Variants in CCDC136 observed in about 807,000 individuals in gnomAD.
CCDC136 encodes coiled-coil domain-containing protein 136.
In CCDC136, 100 loss-of-function variants were observed where a neutral mutation model predicts 141.2. The observed-to-expected ratio is 0.71, with a 90% CI of 0.60 to 0.84. The LOEUF (loss-of-function observed/expected upper bound fraction) is 0.84. Ranked by LOEUF, CCDC136 falls within the 40% of genes least tolerant of loss-of-function variation. CCDC136 has a pLI of 0.00. For synonymous variants in CCDC136, 474 were observed against 531.9 expected (o/e 0.89, Z 1.50); for missense variants, 1,206 against 1,379.4 (o/e 0.87, Z 1.99).
intron 17 of CCDC136, among the ~76,000 whole-genome samples, chr7:128,818,509 G>A (rs1011196398): frequency 6.6e-6 from 1 of 152,112 alleles, no homozygotes; most frequent in Non-Finnish European, 1.5e-5. Context: ...CCAGTCTCCG[G>A]AAAAGTCAGA....
intron 1 of CCDC136, among the ~76,000 whole-genome samples, chr7:128,793,766 C>T (rs1012409449): frequency 3.3e-5 from 5 of 152,120 alleles, no homozygotes; most frequent in African/African-American, 9.7e-5. Context: ...TGTACTACCA[C>T]GCCCAGCTAA....
chr7:128,805,882 C>T lies in CCDC136; in HGVS notation c.1070C>T (p.Thr357Ile), dbSNP rs1388106421. 1.2e-6 allele frequency: 2 copies of T among 1,613,908 alleles called. No homozygotes were observed. Among genetic ancestry groups the T allele is most frequent in the East Asian group, 2.2e-5 (1 of 44,880 alleles). ...CAGAATGAGGTGCTTCGGTTTCAGACCTCCCACAGTGTCACCCAGGTAAAC... is the reference window on the plus strand; with the variant it reads ...CAGAATGAGGTGCTTCGGTTTCAGATCTCCCACAGTGTCACCCAGGTAAAC... ...CAQNEVLRFQ[T>I]SHSVTQNEEL... The change falls in exon 7 of 18, where the codon ACC (threonine) becomes ATC (isoleucine). Residue 357 changes from threonine (T) to isoleucine (I), a missense_variant. Transcript: ENST00000297788. The surrounding 1 kb of genome is among the most constrained non-coding windows in gnomAD (Gnocchi z 4.6).
Position 128,811,877 on chromosome 7 carries a change from G to T in CCDC136, c.2106G>T (p.Leu702Phe). 6.2e-7 allele frequency: 1 copy of T among 1,613,340 alleles called. No individual in the cohort carries two copies. The highest frequency in any genetic ancestry group is 8.5e-7 in the Non-Finnish European group (1 of 1,179,594). The change falls in exon 13 of 18, where the codon TTG becomes TTT. Residue 702 changes from leucine (L) to phenylalanine (F), a missense_variant. Leu to Phe is a conservative substitution (Grantham distance 22). Transcript: ENST00000297788. ...YDAGQAKQELLQQEQGRLLEE... is the reference protein window; with the variant it reads ...YDAGQAKQELFQQEQGRLLEE... The stretch of plus-strand genomic sequence containing the variant: ...CCGGTCAGGCGAAGCAGGAGCTCTT[G>T]CAGCAAGAGCAAGGGAGGCTCCTAG...
Position 128,814,814 on chromosome 7 carries a change from G to A in CCDC136, c.2940G>A (p.Gly980=), listed in dbSNP as rs957813894. 4 of 1,611,846 alleles carry A rather than the reference G, an allele frequency of 2.5e-6. No individual in the cohort carries two copies. The highest frequency in any genetic ancestry group is 1.7e-5 in the Admixed American group (1 of 59,582). ...CTTCTGTTGTCAAAGAAGCCCGGGG[G>A]AAGAATGCTAATAAGAACATGAACA... The part of the protein sequence containing the change: ...KRPSVVKEAR[G]KNANKNMNKN... The change falls in exon 15 of 18, where the codon GGG becomes GGA. Residue 980 remains glycine (G), a synonymous_variant. Coordinates refer to ENST00000297788, the MANE Select transcript of CCDC136 (RefSeq NM_022742.5).
Position 128,799,172 on chromosome 7 carries a change from T to TAA in CCDC136, c.347-1990_347-1989dup, listed in dbSNP as rs35342890. On this transcript the variant is annotated intron_variant, in intron 3 of 17. Coordinates refer to ENST00000297788, the MANE Select transcript of CCDC136 (RefSeq NM_022742.5). The stretch of plus-strand genomic sequence containing the variant: ...CAGAAAGAGACCCCCATCTCTACAT[T>TAA]AAAAAAAAAAAAAAAAAAAAAAAAA... Among the ~76,000 whole-genome samples, 282 of 51,322 alleles carry TAA rather than the reference T, an allele frequency of 5.5e-3. 10 individuals are homozygous for TAA. The highest frequency in any genetic ancestry group is 0.019 in the African/African-American group (195 of 10,012). The allele number at this position is 51,322 out of a possible 152,430, so 33.7% of individuals were successfully genotyped here.
Position 128,805,827 on chromosome 7 carries a change from A to G in CCDC136, c.1015A>G (p.Arg339Gly). ...HHRQVSEEEQ[R>G]RLQRELKCAQ... ...TCGCCAGGTCAGTGAGGAGGAGCAG[A>G]GGCGGCTGCAGAGGGAGCTCAAGTG... Residue 339 changes from arginine (R) to glycine (G), a missense_variant, in exon 7 of 18, where the codon AGG (arginine) becomes GGG (glycine). By Grantham distance (125) the Arg-to-Gly change is moderately radical. Coordinates refer to ENST00000297788, the MANE Select transcript of CCDC136 (RefSeq NM_022742.5). This position sits in a 1 kb window ranked among gnomAD's most constrained non-coding sequence, Gnocchi z 4.6. 6.8e-6 allele frequency: 11 copies of G among 1,613,944 alleles called. No individual in the cohort carries two copies. Among genetic ancestry groups the G allele is most frequent in the Non-Finnish European group, 9.3e-6 (11 of 1,179,874 alleles).
chr7:128,808,726 T>C (rs888820609), intron 10 of CCDC136: 2 of 985,290 alleles, frequency 2.0e-6, no homozygotes, highest in Non-Finnish European at 1.2e-6. Context: ...AGGCTCACGT[T>C]TCCTCCTTTT....
Position 128,807,481 on chromosome 7 carries a change from T to C in CCDC136, c.1541T>C (p.Leu514Pro). 6.5e-7 allele frequency: 1 copy of C among 1,545,002 alleles called. No individual in the cohort carries two copies. The highest frequency in any genetic ancestry group is 8.7e-7 in the Non-Finnish European group (1 of 1,144,616). ...GAGCAGGACCTCCTGCTCTGCCAGC[T>C]GGAGCTGAAAGAGCTCAAGGCCTCC... ...QLEQDLLLCQ[L>P]ELKELKASHP... The change falls in exon 10 of 18, where the codon CTG (leucine) becomes CCG (proline). Residue 514 changes from leucine to proline, a missense_variant. Transcript: ENST00000297788.
At chr7:128,818,090 C>G in intron 17 of CCDC136, 2 of 496,546 alleles carry the variant, frequency 4.0e-6, no homozygotes, top group Admixed American at 3.9e-5. Flanking sequence ...GAATGCTTGC[C>G]AGAGACATGG....
At position 128,807,375 on chromosome 7, in the gene CCDC136, G is replaced by A. The variant is rs932820862; in HGVS notation, c.1435G>A (p.Ala479Thr). Residue 479 changes from alanine to threonine, a missense_variant, in exon 10 of 18, where the codon GCT (alanine) becomes ACT (threonine). Coordinates refer to ENST00000297788, the MANE Select transcript of CCDC136 (RefSeq NM_022742.5). ...CCCTGCCCAGGACACAGAGACGCAC[G>A]CTCAGCTTCAGGAGATGAAGCAGCT... Reference protein sequence around the residue: ...ESNEKDTETHAQLQEMKQLYQ... With the variant: ...ESNEKDTETHTQLQEMKQLYQ... 42 of 1,546,884 alleles carry A rather than the reference G, an allele frequency of 2.7e-5. No individual in the cohort carries two copies. The highest frequency in any genetic ancestry group is 1.7e-4 in the Middle Eastern group (1 of 5,766).
In CCDC136 at chr7:128,794,087, C is replaced by T. The variant is rs1490453990; in HGVS notation, c.17-261C>T. Among the ~76,000 whole-genome samples the T allele has an allele frequency of 6.6e-6, 1 of 152,242 alleles. No homozygotes were observed. The highest frequency in any genetic ancestry group is 1.5e-5 in the Non-Finnish European group (1 of 68,044). On this transcript the variant is annotated intron_variant, in intron 1 of 17. Transcript: ENST00000297788. The surrounding 1 kb of genome is among the most constrained non-coding windows in gnomAD (Gnocchi z 4.3). ...GTCTCATGGCTGAGCGGGCACCAGC[C>T]TGCCCACAGGCAGTGATAGGAGGCT...
chr7:128,815,029 C>T, intron 15 of CCDC136, 110 bp downstream of exon 15: 1 of 952,768 alleles, frequency 1.0e-6, no homozygotes. Context: ...AGAGAAGCTT[C>T]TGGGATCTCT....
rs1007545628 is a variant in CCDC136 at position 128,817,410 on chromosome 7, A to C, written c.3364-348A>C. Among the ~76,000 whole-genome samples, 13 of 152,148 alleles carry C rather than the reference A, an allele frequency of 8.5e-5. No individual in the cohort carries two copies. Among genetic ancestry groups the C allele is most frequent in the Admixed American group, 3.9e-4 (6 of 15,268 alleles). On this transcript the variant is annotated intron_variant, in intron 16 of 17. Coordinates refer to ENST00000297788, the MANE Select transcript of CCDC136 (RefSeq NM_022742.5). This position sits in a 1 kb window ranked among gnomAD's most constrained non-coding sequence, Gnocchi z 4.6. ...TAGAAGACTGGCTCTTCCTAGAGTG[A>C]CCTAGGAAAAGTCACAAGAAAGGTC...
At chr7:128,804,796 G>T (rs1310309675) in intron 5 of CCDC136, 35 bp downstream of exon 5, 1 of 1,352,950 alleles carries the variant, frequency 7.4e-7, no homozygotes, top group Admixed American at 1.9e-5. Flanking sequence ...AGGTCATGGG[G>T]TTCCACAGGA....
chr7:128,802,441 GGGAA>G (rs1804188892), intron 4 of CCDC136, among the ~76,000 whole-genome samples: 1 of 152,130 alleles, frequency 6.6e-6, no homozygotes, highest in African/African-American at 2.4e-5. Flanking sequence ...TTGGCACAGT[GGGAA>G]GGCTTGGGCT....
In CCDC136 at chr7:128,805,417, G is replaced by C. The variant is rs1250614431; in HGVS notation, c.841G>C (p.Glu281Gln). The C allele has an allele frequency of 1.2e-6, 2 of 1,613,860 alleles. No individual in the cohort carries two copies. Among genetic ancestry groups the C allele is most frequent in the South Asian group, 1.1e-5 (1 of 91,096 alleles). ...QSQTLSMTSAESQTSEMDFLE... is the reference protein window; with the variant it reads ...QSQTLSMTSAQSQTSEMDFLE... ...CCAAACACTGAGTATGACGTCAGCA[G>C]AGTCTCAGACTTCAGAAATGGATTT... Residue 281 changes from glutamate to glutamine, a missense_variant, in exon 6 of 18, where the codon GAG (glutamate) becomes CAG (glutamine). Physicochemically the swap from Glu to Gln is conservative, Grantham distance 29 (BLOSUM62 2). Coordinates refer to ENST00000297788, the MANE Select transcript of CCDC136 (RefSeq NM_022742.5). This position sits in a 1 kb window ranked among gnomAD's most constrained non-coding sequence, Gnocchi z 4.6.
intron 14 of CCDC136, among the ~76,000 whole-genome samples, chr7:128,814,177 C>T (rs1487733502): frequency 6.6e-6 from 1 of 151,818 alleles, no homozygotes; most frequent in Non-Finnish European, 1.5e-5. Context: ...CCTCCGCCTC[C>T]TGGGTTCAAG....
In CCDC136 at chr7:128,817,969, C is replaced by A; in HGVS notation, c.*5+105C>A. 2.4e-6 allele frequency: 2 copies of A among 842,828 alleles called. No individual in the cohort carries two copies. Among genetic ancestry groups the A allele is most frequent in the Non-Finnish European group, 3.9e-6 (2 of 511,766 alleles). The allele number at this position is 842,828 out of a possible 1,614,324, so 52.2% of individuals were successfully genotyped here. On this transcript the variant is annotated intron_variant, in intron 17 of 17. Coordinates refer to ENST00000297788, the MANE Select transcript of CCDC136 (RefSeq NM_022742.5). This position sits in a 1 kb window ranked among gnomAD's most constrained non-coding sequence, Gnocchi z 4.6. Reference sequence around the variant, plus strand: ...CCCAGCTGCTTGCTTCTTGCTTGTGCCATTTTATAATAGGTGATGCTCAGG... The same window carrying A: ...CCCAGCTGCTTGCTTCTTGCTTGTGACATTTTATAATAGGTGATGCTCAGG...
Position 128,805,403 on chromosome 7 carries a change from G to A in CCDC136, c.827G>A (p.Ser276Asn). Residue 276 changes from serine (S) to asparagine (N), a missense_variant, in exon 6 of 18, where the codon AGT becomes AAT. Transcript: ENST00000297788. The surrounding 1 kb of genome is among the most constrained non-coding windows in gnomAD (Gnocchi z 4.6). The part of the protein sequence containing the change: ...TERWLQSQTL[S>N]MTSAESQTSE... ...AGATGGCTGCAGTCCCAAACACTGA[G>A]TATGACGTCAGCAGAGTCTCAGACT... 6.2e-7 allele frequency: 1 copy of A among 1,613,944 alleles called. No individual in the cohort carries two copies.
Sources: allele counts gnomAD v4.1 joint callset (sites outside exome capture counted in the v4.1 genomes callset), GRCh38; gene constraint gnomAD v4.1.1; non-coding constraint Gnocchi (gnomAD v3.1); transcripts MANE v1.5; gene names NCBI Gene and HGNC (gene_info 2026-07-23, HGNC 2026-07-21).